TAF1B: variants seen among roughly 807,000 people sequenced by gnomAD.
TAF1B encodes the protein TATA-box binding protein associated factor, RNA polymerase I subunit B.
A neutral mutation model predicts 83.9 loss-of-function variants in TAF1B; 61 were observed. The observed-to-expected ratio is 0.73, with a 90% confidence interval of 0.59 to 0.90. The LOEUF is 0.90. TAF1B is among the 40% of genes least tolerant of loss of function. The pLI, the probability that TAF1B is intolerant of heterozygous loss-of-function variation, is 0.00. For missense variants in TAF1B, 625 were observed against 677.0 expected, an observed-to-expected ratio of 0.92 and a Z score of 0.85; for synonymous variants, 221 against 224.6, an observed-to-expected ratio of 0.98 and a Z score of 0.14.
chr2:9,879,078 T>G (rs2125152820), intron 7 of TAF1B, among the ~76,000 whole-genome samples: 1 of 152,322 alleles, frequency 6.6e-6, no homozygotes, highest in Admixed American at 6.5e-5. Flanking sequence ...TCCAAGACAT[T>G]GGATGCCTGA....
intron 8 of TAF1B, among the ~76,000 whole-genome samples, chr2:9,887,634 T>G (rs559113630): frequency 1.3e-5 from 2 of 152,280 alleles, no homozygotes; most frequent in Admixed American, 1.3e-4. Flanking sequence ...TAAAGTGTTT[T>G]CTGGTAGTTA....
At chr2:9,915,468 T>C (rs1558265519) in intron 12 of TAF1B, among the ~76,000 whole-genome samples, 1 of 152,192 alleles carries the variant, frequency 6.6e-6, no homozygotes, top group Non-Finnish European at 1.5e-5. Flanking sequence ...TCCATTTTTT[T>C]AAATGGGCAA....
At chr2:9,853,848 T>C (rs1226775350) in intron 4 of TAF1B, among the ~76,000 whole-genome samples, 3 of 152,210 alleles carry the variant, frequency 2.0e-5, no homozygotes, top group African/African-American at 2.4e-5. Flanking sequence ...AGTGTAGTCA[T>C]GTATCAGTTG....
intron 9 of TAF1B, among the ~76,000 whole-genome samples, chr2:9,907,118 G>A (rs1239870295): frequency 6.6e-6 from 1 of 151,296 alleles, no homozygotes; most frequent in Non-Finnish European, 1.5e-5. Flanking sequence ...GAACCTCCAG[G>A]CTCAAGCCAT....
At chr2:9,909,697 C>T (rs1665463956) in intron 9 of TAF1B, among the ~76,000 whole-genome samples, 1 of 152,178 alleles carries the variant, frequency 6.6e-6, no homozygotes, top group African/African-American at 2.4e-5. Flanking sequence ...AAGCAGTCAG[C>T]ACTGATCCAA....
intron 14 of TAF1B, among the ~76,000 whole-genome samples, chr2:9,929,496 G>T (rs1572298022): frequency 6.6e-6 from 1 of 152,154 alleles, no homozygotes; most frequent in Non-Finnish European, 1.5e-5. Context: ...TTATTGATTT[G>T]CGTATGTTGA....
intron 2 of TAF1B, 200 bp downstream of exon 2, chr2:9,845,518 T>C: frequency 2.1e-6 from 1 of 474,288 alleles, no homozygotes; most frequent in East Asian, 3.7e-5. Flanking sequence ...GTTTTTGAAA[T>C]TATGTTGGGC....
intron 12 of TAF1B, among the ~76,000 whole-genome samples, 162 bp from the exon 13 acceptor site, chr2:9,918,879 C>T (rs1345504877): frequency 1.3e-5 from 2 of 152,176 alleles, no homozygotes; most frequent in East Asian, 1.9e-4. Context: ...TCAGTGGTTC[C>T]TTCTAGGGCC....
intron 12 of TAF1B, 75 bp from the exon 13 acceptor site, chr2:9,918,966 A>G: frequency 8.1e-7 from 1 of 1,236,872 alleles, no homozygotes; most frequent in Non-Finnish European, 1.2e-6. Flanking sequence ...CAGAAATCTC[A>G]GATAGTGCTT....
At chr2:9,925,223 C>T (rs1411022663) in intron 14 of TAF1B, among the ~76,000 whole-genome samples, 2 of 152,264 alleles carry the variant, frequency 1.3e-5, no homozygotes, top group South Asian at 2.1e-4. Context: ...GGGCGGATTA[C>T]GAGGTCAGGA....
chr2:9,890,593 AT>A lies in TAF1B; in HGVS notation c.807+7796del, dbSNP rs993999993. On this transcript the variant is annotated intron_variant, in intron 8 of 14. Transcript: ENST00000263663. ...TAGTAATAATCCCTTTTGTTGATCT[AT>A]TTTTTTTCTTTTTTGAAGTAATATT... Among the ~76,000 whole-genome samples, 6 of 151,574 alleles carry A rather than the reference AT, an allele frequency of 4.0e-5. No individual in the cohort carries two copies. In the East Asian group the frequency reaches 5.8e-4, roughly 15 times the overall value.
chr2:9,930,272 A>G (rs1444686123), intron 14 of TAF1B, among the ~76,000 whole-genome samples: 1 of 152,016 alleles, frequency 6.6e-6, no homozygotes, highest in Non-Finnish European at 1.5e-5. Context: ...TGATGTTAAG[A>G]TGTCGATTTT....
intron 11 of TAF1B, 72 bp downstream of exon 11, chr2:9,911,629 G>A (rs907579048): frequency 4.5e-6 from 5 of 1,110,250 alleles, no homozygotes; most frequent in Admixed American, 2.9e-5. Flanking sequence ...ATAAATGTAG[G>A]CAAACAACTT....
At chr2:9,857,852 T>C (rs575746754) in intron 5 of TAF1B, among the ~76,000 whole-genome samples, 4 of 152,252 alleles carry the variant, frequency 2.6e-5, no homozygotes, top group South Asian at 2.1e-4. Context: ...GCCACCCCCA[T>C]GATCCAGTCA....
chr2:9,931,686 C>T (rs932742363), intron 14 of TAF1B, among the ~76,000 whole-genome samples: 7 of 152,176 alleles, frequency 4.6e-5, no homozygotes, highest in Admixed American at 4.6e-4. Flanking sequence ...GTGGTGTTCT[C>T]TGTATTTCCT....
intron 11 of TAF1B, among the ~76,000 whole-genome samples, chr2:9,912,642 G>T (rs1230571729): frequency 6.6e-6 from 1 of 152,160 alleles, no homozygotes; most frequent in Non-Finnish European, 1.5e-5. Context: ...ATAAATCCAT[G>T]CTGTCAGCAG....
At position 9,851,544 on chromosome 2, in the gene TAF1B, A is replaced by T. The variant is rs1164484630; in HGVS notation, c.209A>T (p.Lys70Ile). Residue 70 changes from lysine to isoleucine, a missense_variant, in exon 4 of 15, where the codon AAA becomes ATA. Coordinates refer to ENST00000263663, the MANE Select transcript of TAF1B (RefSeq NM_005680.3). ...AAACATGCTATTTGTCATTTAGAAA[A>T]AGGCTGGGATTGGTATGTGTGTGAA... ...RGLKKKNNTE[K>I]GWDWYVCEGF... is the part of the protein sequence containing the mutation. 1 of 1,595,396 alleles carries T rather than the reference A, an allele frequency of 6.3e-7. No homozygotes were observed. Among genetic ancestry groups the T allele is most frequent in the Non-Finnish European group, 8.5e-7 (1 of 1,173,946 alleles).
In TAF1B at chr2:9,862,241, A is replaced by G. The variant is rs145002191; in HGVS notation, c.400-6035A>G. ...CTAACTAGAATAACCAATGCAGAGA[A>G]GTCCTTAAAGGACCTGATGGAGCTG... On this transcript the variant is annotated intron_variant, in intron 5 of 14. Transcript: ENST00000263663. Among the ~76,000 whole-genome samples, 1,431 of 152,306 alleles carry G rather than the reference A, an allele frequency of 9.4e-3. 32 individuals carry two copies. The highest frequency in any genetic ancestry group is 0.029 in the African/African-American group (1,199 of 41,546).
chr2:9,920,636 T>C (rs913014664), intron 14 of TAF1B, among the ~76,000 whole-genome samples: 2 of 152,002 alleles, frequency 1.3e-5, no homozygotes, highest in African/African-American at 4.8e-5. Flanking sequence ...CCAGTCAAGG[T>C]GCTGTGTCGT....
Sources: gnomAD v4.1 joint callset for allele counts (sites outside exome capture counted in the v4.1 genomes callset) on GRCh38, gnomAD v4.1.1 for gene constraint, MANE v1.5 for transcripts, NCBI Gene and HGNC (gene_info 2026-07-23, HGNC 2026-07-21) for gene names.